PTK6: variants seen among roughly 807,000 people sequenced by gnomAD.
PTK6 encodes protein-tyrosine kinase 6.
In PTK6, 47 loss-of-function variants were observed where a neutral mutation model predicts 47.5. The ratio of observed to expected loss-of-function variants is 0.99; its 90% CI spans 0.78 to 1.26. PTK6 has a LOEUF of 1.26. Among genes scored for constraint, PTK6 ranks in the 50% most tolerant of loss-of-function variants. PTK6 has a pLI of 0.00. For missense variants in PTK6, 618 were observed against 625.3 expected (o/e 0.99, Z 0.12); for synonymous variants, 287 against 276.5 (o/e 1.04, Z -0.38).
At chr20:63,537,019 C>A in intron 1 of PTK6, 66 bp downstream of exon 1, 1 of 1,492,960 alleles carries the variant, frequency 6.7e-7, no homozygotes, top group Non-Finnish European at 9.1e-7. Flanking sequence ...CAGCCCAGAG[C>A]CCTGTCCCTC....
rs762618866 is a variant in PTK6, at chr20:63,530,747, TTGATAAG to T, written c.1006_1012del (p.Leu336ArgfsTer61). On this transcript the variant is annotated frameshift_variant and splice_region_variant, in exon 6 of 8. Coordinates refer to ENST00000542869, the MANE Select transcript of PTK6 (RefSeq NM_005975.4). LOFTEE classifies it high-confidence loss of function. The surrounding 1 kb of genome is among the most constrained non-coding windows in gnomAD (Gnocchi z 4.1). ...AGCCACGCCCTCTGAGGGCCCTACC[TTGATAAG>T]CCTGGCTAACCCGAAGTCCCCAACT... 38 of 1,613,698 alleles carry T rather than the reference TTGATAAG, an allele frequency of 2.4e-5. No homozygotes were observed. The highest frequency in any genetic ancestry group is 3.0e-5 in the Non-Finnish European group (35 of 1,179,854).
In PTK6 at chr20:63,534,899, C is replaced by T; in HGVS notation, c.352+39G>A. 7 of 1,564,760 alleles carry T rather than the reference C, an allele frequency of 4.5e-6. No homozygotes were observed. The South Asian group carries it at 5.7e-5, about 13-fold the overall frequency. ...GCTGGGAGGGCTTAGAGCCAGGAGCCCCCGCAGGCAAGCACAGGCTCGGAG... is the reference window on the plus strand; with the variant it reads ...GCTGGGAGGGCTTAGAGCCAGGAGCTCCCGCAGGCAAGCACAGGCTCGGAG... On this transcript the variant is annotated intron_variant, in intron 2 of 7. Coordinates refer to ENST00000542869, the MANE Select transcript of PTK6 (RefSeq NM_005975.4).
rs1343548328 is a variant in PTK6, at chr20:63,530,737, G to A, written c.1014+9C>T. ...CCACGACCCCAGCCACGCCCTCTGAGGGCCCTACCTTGATAAGCCTGGCTA... is the reference window on the plus strand; with the variant it reads ...CCACGACCCCAGCCACGCCCTCTGAAGGCCCTACCTTGATAAGCCTGGCTA... On this transcript the variant is annotated intron_variant, in intron 6 of 7. Transcript: ENST00000542869. This position sits in a 1 kb window ranked among gnomAD's most constrained non-coding sequence, Gnocchi z 4.1. 34 of 1,613,024 alleles carry A rather than the reference G, an allele frequency of 2.1e-5. No homozygotes were observed. Among genetic ancestry groups the A allele is most frequent in the Non-Finnish European group, 2.9e-5 (34 of 1,179,642 alleles).
At chr20:63,534,395 C>G in intron 2 of PTK6, 80 bp from the exon 3 acceptor site, 1 of 1,463,310 alleles carries the variant, frequency 6.8e-7, no homozygotes, top group African/African-American at 1.4e-5. Context: ...GCCACACCTG[C>G]GCAGAGTTTC....
rs142028257 is a variant in PTK6, at chr20:63,537,223, G to T, written c.92C>A (p.Ala31Glu). ...CCTGGCCACGTGGAAGACGTCCCCC[G>T]CGCGGAAGCTCAGCTCCTCGTCCGT... ...SRTDEELSFR[A>E]GDVFHVARKE... Residue 31 changes from alanine to glutamate, a missense_variant, in exon 1 of 8, where the codon GCG becomes GAG. Transcript: ENST00000542869. 5.6e-6 allele frequency: 9 copies of T among 1,612,222 alleles called. No individual in the cohort carries two copies. The highest frequency in any genetic ancestry group is 6.8e-6 in the Non-Finnish European group (8 of 1,179,806).
chr20:63,529,500 C>T lies in PTK6; in HGVS notation c.*36G>A, dbSNP rs763957498. On this transcript the variant is annotated 3_prime_UTR_variant, in exon 8 of 8. Coordinates refer to ENST00000542869, the MANE Select transcript of PTK6 (RefSeq NM_005975.4). The surrounding 1 kb of genome is among the most constrained non-coding windows in gnomAD (Gnocchi z 5.6). The stretch of plus-strand genomic sequence containing the variant: ...TCCAGGCCCTCTGCCCAGGCCCCTC[C>T]TCAGCAGGGCCCGGCCATGCCCGCT... The T allele has an allele frequency of 5.9e-6, 9 of 1,513,526 alleles. No homozygotes were observed. The highest frequency in any genetic ancestry group is 1.4e-5 in the African/African-American group (1 of 71,704). The allele number at this position is 1,513,526 out of a possible 1,614,324, so 93.8% of individuals were successfully genotyped here. A position where few individuals can be genotyped will look rare whatever the true frequency, so the allele number is the denominator to read the frequency against.
intron 2 of PTK6, among the ~76,000 whole-genome samples, chr20:63,534,523 G>A (rs551995430): frequency 2.4e-4 from 36 of 152,266 alleles, no homozygotes; most frequent in Middle Eastern, 6.8e-3. Flanking sequence ...TCCTGCCCCC[G>A]TGCCAGGCAG....
chr20:63,534,140 C>T lies in PTK6; in HGVS notation c.516+12G>A, dbSNP rs373328001. 24 of 1,540,440 alleles carry T rather than the reference C, an allele frequency of 1.6e-5. No homozygotes were observed. The highest frequency in any genetic ancestry group is 2.1e-4 in the Middle Eastern group (1 of 4,718). On this transcript the variant is annotated intron_variant, in intron 3 of 7. Transcript: ENST00000542869. ...CTGACCCCGCGTGACCAAGTCAGGG[C>T]GGAGCGGCTACCTTCCGGCAGGGCG...
rs1392457107 is a variant in PTK6, at chr20:63,530,558, G to T, written c.1014+188C>A. 2.6e-5 allele frequency among the ~76,000 whole-genome samples: 4 copies of T among 152,166 alleles called. No homozygotes were observed. Among genetic ancestry groups the T allele is most frequent in the Non-Finnish European group, 5.9e-5 (4 of 68,012 alleles). On this transcript the variant is annotated intron_variant, in intron 6 of 7. Transcript: ENST00000542869. The surrounding 1 kb of genome is among the most constrained non-coding windows in gnomAD (Gnocchi z 4.1). ...GCGGCTGCGTGGTGGGCCCTGCTGTGCGTGCCATTCAGAATGGGGGCCCCA... is the reference window on the plus strand; with the variant it reads ...GCGGCTGCGTGGTGGGCCCTGCTGTTCGTGCCATTCAGAATGGGGGCCCCA...
rs748873194 is a variant in PTK6 at position 63,531,437 on chromosome 20, A to AATAT, written c.833-514_833-511dup. ...CTCCGTCTCAAAAAAAAAAAAAAAA[A>AATAT]ATATATATATATATATATATATATA... is the stretch of plus-strand genomic sequence containing the variant. On this transcript the variant is annotated intron_variant, in intron 5 of 7. Transcript: ENST00000542869. 6.3e-4 allele frequency among the ~76,000 whole-genome samples: 60 copies of AATAT among 94,912 alleles called. 1 individual carries two copies. Among genetic ancestry groups the AATAT allele is most frequent in the Admixed American group, 4.6e-4 (4 of 8,632 alleles). 62.3% of individuals were successfully genotyped at this position (94,912 alleles called of 152,430 possible).
In PTK6 at chr20:63,532,419, CTGTG is replaced by C. The variant is rs1408587275; in HGVS notation, c.832+103_832+106del. ...TGTGTGCATGTGTGTGTCTGTGTGTCTGTGTGTCTACGTGTGTGTGTGTGTAGAC... is the reference window on the plus strand; with the variant it reads ...TGTGTGCATGTGTGTGTCTGTGTGTCTGTCTACGTGTGTGTGTGTGTAGAC... On this transcript the variant is annotated intron_variant, in intron 5 of 7. Coordinates refer to ENST00000542869, the MANE Select transcript of PTK6 (RefSeq NM_005975.4). 32 of 1,380,400 alleles carry C rather than the reference CTGTG, an allele frequency of 2.3e-5. 1 individual carries two copies. The South Asian group carries it at 2.7e-4, about 11-fold the overall frequency. The allele number at this position is 1,380,400 out of a possible 1,614,324, so 85.5% of individuals were successfully genotyped here.
Position 63,529,589 on chromosome 20 carries a change from T to C in PTK6, c.1303A>G (p.Lys435Glu). 3.8e-6 allele frequency: 6 copies of C among 1,572,352 alleles called. No homozygotes were observed. Among genetic ancestry groups the C allele is most frequent in the Non-Finnish European group, 5.2e-6 (6 of 1,158,792 alleles). Reference protein sequence around the residue: ...CRDPEQRPCFKALRERLSSFT... With the variant: ...CRDPEQRPCFEALRERLSSFT... ...CTGGAGAGCCTCTCCCGCAGGGCCT[T>C]GAAGCAGGGTCTCTGCTCGGGGTCC... The change falls in exon 8 of 8, where the codon AAG (lysine) becomes GAG (glutamate). Residue 435 changes from lysine to glutamate, a missense_variant. Lys to Glu is a moderately conservative substitution (Grantham distance 56). Coordinates refer to ENST00000542869, the MANE Select transcript of PTK6 (RefSeq NM_005975.4). This position sits in a 1 kb window ranked among gnomAD's most constrained non-coding sequence, Gnocchi z 5.6.
Position 63,530,749 on chromosome 20 carries a change from G to A in PTK6, c.1011C>T (p.Ile337=). 1.2e-6 allele frequency: 2 copies of A among 1,613,664 alleles called. No homozygotes were observed. The highest frequency in any genetic ancestry group is 1.7e-6 in the Non-Finnish European group (2 of 1,179,810). Residue 337 remains isoleucine, a synonymous_variant, in exon 6 of 8, where the codon ATC becomes ATT. Transcript: ENST00000542869. The surrounding 1 kb of genome is among the most constrained non-coding windows in gnomAD (Gnocchi z 4.1). ...KVGDFGLARL[I]KEDVYLSHDH... is the part of the protein sequence containing the mutation. Reference sequence around the variant, plus strand: ...CCACGCCCTCTGAGGGCCCTACCTTGATAAGCCTGGCTAACCCGAAGTCCC... The same window carrying A: ...CCACGCCCTCTGAGGGCCCTACCTTAATAAGCCTGGCTAACCCGAAGTCCC...
chr20:63,534,066 GC>G, intron 3 of PTK6, 85 bp downstream of exon 3: 1 of 1,442,720 alleles, frequency 6.9e-7, no homozygotes, highest in Non-Finnish European at 9.2e-7. Flanking sequence ...CTCCCATGCT[GC>G]CCGGCCAACC....
intron 2 of PTK6, 25 bp downstream of exon 2, chr20:63,534,913 A>G (rs2082652209): frequency 1.3e-6 from 2 of 1,578,112 alleles, no homozygotes; most frequent in Non-Finnish European, 1.7e-6. Flanking sequence ...GCAGGCAAGC[A>G]CAGGCTCGGA....
chr20:63,535,910 C>T (rs1208585360), intron 1 of PTK6, among the ~76,000 whole-genome samples: 2 of 25,978 alleles, frequency 7.7e-5, no homozygotes, highest in East Asian at 1.4e-3. Flanking sequence ...TCCCGCCCCC[C>T]CCTCACCTGG....
rs1163196546 is a variant in PTK6 at position 63,534,219 on chromosome 20, TCGG to T, written c.446_448del (p.Pro149_Glu150delinsGln). The T allele has an allele frequency of 1.9e-6, 3 of 1,595,304 alleles. No individual in the cohort carries two copies. In the South Asian group the frequency reaches 3.4e-5, roughly 18 times the overall value. On this transcript the variant is annotated inframe_deletion, in exon 3 of 8. Transcript: ENST00000542869. Reference sequence around the variant, plus strand: ...CTGGGCCCTGTGGTAGTTCACAAGCTCGGGCAGGCTGAGGAAGGACACCGCCTC... The same window carrying T: ...CTGGGCCCTGTGGTAGTTCACAAGCTGCAGGCTGAGGAAGGACACCGCCTC...
chr20:63,535,140 G>A (rs2082654931), intron 1 of PTK6, 81 bp from the exon 2 acceptor site: 2 of 1,479,538 alleles, frequency 1.4e-6, no homozygotes. Flanking sequence ...TGCCCGCCTG[G>A]AACCCCAGCC....
Position 63,530,507 on chromosome 20 carries a change from AGTGAACAAGGCAC to A in PTK6, c.1014+226_1014+238del, listed in dbSNP as rs1228910733. ...CGTCAGAGGGGCCCAGGGCTGGGCC[AGTGAACAAGGCAC>A]GTGAACAAGGCAGCGGCTGCGTGGT... On this transcript the variant is annotated intron_variant, in intron 6 of 7. Transcript: ENST00000542869. The surrounding 1 kb of genome is among the most constrained non-coding windows in gnomAD (Gnocchi z 4.1). Among the ~76,000 whole-genome samples, 4 of 152,196 alleles carry A rather than the reference AGTGAACAAGGCAC, an allele frequency of 2.6e-5. No individual in the cohort carries two copies. Among genetic ancestry groups the A allele is most frequent in the Admixed American group, 1.3e-4 (2 of 15,288 alleles).
Sources: gnomAD v4.1 joint callset for allele counts (sites outside exome capture counted in the v4.1 genomes callset) on GRCh38, gnomAD v4.1.1 for gene constraint, Gnocchi (gnomAD v3.1) non-coding constraint, MANE v1.5 for transcripts, NCBI Gene and HGNC (gene_info 2026-07-23, HGNC 2026-07-21) for gene names.